Variants in NFIB observed in about 807,000 individuals in gnomAD.
The protein encoded by NFIB is nuclear factor 1 B-type.
Under a neutral mutation model 61.5 loss-of-function variants are expected in NFIB, and 11 were observed. The observed-to-expected ratio is 0.18, with a 90% CI of 0.11 to 0.30. The LOEUF is 0.30. Ranked by LOEUF, NFIB falls within the 10% of genes least tolerant of loss-of-function variation. The pLI is 1.00. For synonymous variants in NFIB, 260 were observed against 216.5 expected, an observed-to-expected ratio of 1.20 and a Z score of -1.76; for missense variants, 471 against 608.9, an observed-to-expected ratio of 0.77 and a Z score of 2.38.
chr9:14,477,616 T>C, the NFIB span, among the ~76,000 whole-genome samples: 1 of 152,236 alleles, frequency 6.6e-6, no homozygotes, highest in East Asian at 1.9e-4. Flanking sequence ...GTGGCTGTTC[T>C]GGTAATGCAT....
intron 1 of NFIB, chr9:14,322,443 T>G: frequency 4.3e-6 from 1 of 230,704 alleles, no homozygotes; most frequent in Non-Finnish European, 8.6e-6. Context: ...CGATCGCCCC[T>G]TCCCCGCCCT....
intron 1 of NFIB, among the ~76,000 whole-genome samples, chr9:14,367,344 GT>G (rs2061312387): frequency 1.3e-5 from 2 of 152,008 alleles, no homozygotes; most frequent in African/African-American, 2.4e-5. Flanking sequence ...CAGATGAGAT[GT>G]CTCTTGAGCT....
At chr9:14,111,570 C>G (rs1360590333) in intron 10 of NFIB, among the ~76,000 whole-genome samples, 1 of 151,998 alleles carries the variant, frequency 6.6e-6, no homozygotes, top group African/African-American at 2.4e-5. Context: ...CTTATACATC[C>G]TGCATATGTT....
At chr9:14,138,441 A>G (rs1246289679) in intron 6 of NFIB, among the ~76,000 whole-genome samples, 1 of 152,156 alleles carries the variant, frequency 6.6e-6, no homozygotes, top group Non-Finnish European at 1.5e-5. Flanking sequence ...CCTGATTCAA[A>G]CAAGACAACC....
intron 2 of NFIB, among the ~76,000 whole-genome samples, chr9:14,219,492 T>A (rs950886051): frequency 2.0e-5 from 3 of 151,670 alleles, no homozygotes; most frequent in East Asian, 3.9e-4. Flanking sequence ...TACTAACTAT[T>A]TTTGTTTGCA....
At chr9:14,404,811 C>T in the NFIB span, among the ~76,000 whole-genome samples, 6 of 152,136 alleles carry the variant, frequency 3.9e-5, no homozygotes, top group Non-Finnish European at 5.9e-5. Context: ...TAAGGGGCAG[C>T]AACATAATGA....
rs576397502 is a variant in NFIB at position 14,244,095 on chromosome 9, G to A, written c.562+62894C>T. ...ATTATATATGAAAACACATCCATAAGGGTGTAGCAATTATGAGCAAATATT... is the reference window on the plus strand; with the variant it reads ...ATTATATATGAAAACACATCCATAAAGGTGTAGCAATTATGAGCAAATATT... On this transcript the variant is annotated intron_variant, in intron 2 of 10. Transcript: ENST00000380953. Among the ~76,000 whole-genome samples, 12 of 152,268 alleles carry A rather than the reference G, an allele frequency of 7.9e-5. No homozygotes were observed. In the East Asian group the frequency reaches 1.7e-3, roughly 22 times the overall value.
At chr9:14,261,955 T>G (rs1226863496) in intron 2 of NFIB, among the ~76,000 whole-genome samples, 2 of 152,182 alleles carry the variant, frequency 1.3e-5, no homozygotes, top group African/African-American at 4.8e-5. Context: ...GACAGAGGAT[T>G]GCAAGGCAGG....
chr9:14,464,373 C>G, the NFIB span, among the ~76,000 whole-genome samples: 1 of 152,142 alleles, frequency 6.6e-6, no homozygotes, highest in African/African-American at 2.4e-5. Flanking sequence ...TTTATTATCT[C>G]TTAGGCAGTG....
intron 2 of NFIB, among the ~76,000 whole-genome samples, chr9:14,231,119 GGAAAAAA>G (rs1453129306): frequency 2.3e-4 from 8 of 35,416 alleles, no homozygotes; most frequent in African/African-American, 5.3e-4. Flanking sequence ...TTTTCCATGG[GGAAAAAA>G]AAAAAAAAAA....
intron 1 of NFIB, among the ~76,000 whole-genome samples, chr9:14,323,208 A>G (rs913433535): frequency 6.6e-6 from 1 of 152,160 alleles, no homozygotes; most frequent in Non-Finnish European, 1.5e-5. Flanking sequence ...TATCAAAAAA[A>G]TAGATCAGTA....
chr9:14,463,659 C>CTCCA, the NFIB span, among the ~76,000 whole-genome samples: 4 of 65,824 alleles, frequency 6.1e-5, no homozygotes, highest in African/African-American at 1.5e-4. Flanking sequence ...ATTTGATTTT[C>CTCCA]TTTTTTTTTT....
At chr9:14,259,170 G>T (rs963863043) in intron 2 of NFIB, among the ~76,000 whole-genome samples, 1 of 152,176 alleles carries the variant, frequency 6.6e-6, no homozygotes, top group African/African-American at 2.4e-5. Context: ...CAAAGCTCAT[G>T]AAGTGATAAC....
the NFIB span, among the ~76,000 whole-genome samples, chr9:14,429,782 T>A: frequency 1.3e-5 from 2 of 152,132 alleles, no homozygotes; most frequent in African/African-American, 4.8e-5. Flanking sequence ...AGCAACAACC[T>A]CTCTGGCCAG....
At chr9:14,431,633 G>GT in the NFIB span, among the ~76,000 whole-genome samples, 1,687 of 127,816 alleles carry the variant, frequency 0.013, 6 homozygotes, top group East Asian at 0.026. Flanking sequence ...TTTTTGTTTT[G>GT]TTTTTTTTTT....
the NFIB span, among the ~76,000 whole-genome samples, chr9:14,422,527 C>A: frequency 1.3e-5 from 2 of 152,196 alleles, no homozygotes; most frequent in Non-Finnish European, 2.9e-5. Context: ...TGATAAGCAT[C>A]TAGCTTAAAT....
chr9:14,141,632 C>A (rs2041713039), intron 6 of NFIB, among the ~76,000 whole-genome samples: 1 of 151,996 alleles, frequency 6.6e-6, no homozygotes, highest in Non-Finnish European at 1.5e-5. Context: ...AAAATTCCTC[C>A]AATATAATAT....
intron 10 of NFIB, among the ~76,000 whole-genome samples, chr9:14,111,671 T>TG (rs1296060320): frequency 6.6e-6 from 1 of 151,966 alleles, no homozygotes; most frequent in Non-Finnish European, 1.5e-5. Context: ...ATTTTAGAGG[T>TG]GAAAAAAAAG....
Position 14,158,214 on chromosome 9 carries a change from C to A in NFIB, c.617-2321G>T, listed in dbSNP as rs80062225. ...AGTCACACAAGATTATTTTTCATCA[C>A]CCAATTGTACTTTGTAAATGCCTAC... On this transcript the variant is annotated intron_variant, in intron 3 of 10. Transcript: ENST00000380953. Among the ~76,000 whole-genome samples, 58 of 152,190 alleles carry A rather than the reference C, an allele frequency of 3.8e-4. 1 individual carries two copies. In the East Asian group the frequency reaches 0.011, roughly 29 times the overall value.
Sources: allele counts gnomAD v4.1 joint callset (sites outside exome capture counted in the v4.1 genomes callset), GRCh38; gene constraint gnomAD v4.1.1; transcripts MANE v1.5; gene names NCBI Gene and HGNC (gene_info 2026-07-23, HGNC 2026-07-21).